KMT5A: variants seen among roughly 807,000 people sequenced by gnomAD.
KMT5A encodes N-lysine methyltransferase KMT5A.
A neutral mutation model predicts 40.6 loss-of-function variants in KMT5A; 6 were observed. The ratio of observed to expected loss-of-function variants is 0.15; its 90% CI spans 0.08 to 0.29. KMT5A has a LOEUF of 0.29. Among genes scored for constraint, KMT5A ranks in the 10% least tolerant of loss-of-function variants. KMT5A has a pLI of 1.00. For missense variants in KMT5A, 308 were observed against 459.1 expected (o/e 0.67, Z 3.01); for synonymous variants, 153 against 178.8 (o/e 0.86, Z 1.15).
At chr12:123,389,953 C>A in intron 2 of KMT5A, 1 of 422,090 alleles carries the variant, frequency 2.4e-6, no homozygotes. Context: ...GCCCCACGCC[C>A]AGAGGCGCCC....
At position 123,384,692 on chromosome 12, in the gene KMT5A, TCCTC is replaced by T. The variant is rs1876761364; in HGVS notation, c.10+491_10+494del. Among the ~76,000 whole-genome samples the T allele has an allele frequency of 6.6e-6, 1 of 152,206 alleles. No individual in the cohort carries two copies. ...GGGTGGACACCGCAGCAGGCGCCTTTCCTCCCTCCCCACGTCCTGAGTCAGCTCT... is the reference window on the plus strand; with the variant it reads ...GGGTGGACACCGCAGCAGGCGCCTTTCCTCCCCACGTCCTGAGTCAGCTCT... On this transcript the variant is annotated intron_variant, in intron 1 of 7. Transcript: ENST00000402868. This position sits in a 1 kb window ranked among gnomAD's most constrained non-coding sequence, Gnocchi z 5.7.
chr12:123,405,486 TC>T (rs34477554), intron 7 of KMT5A, among the ~76,000 whole-genome samples: 44,309 of 147,070 alleles, frequency 0.3, 8,364 homozygotes, highest in African/African-American at 0.52. Flanking sequence ...TTGCCTTTTT[TC>T]AAAGCTGTGA....
At chr12:123,387,584 C>T (rs2139154238) in intron 1 of KMT5A, among the ~76,000 whole-genome samples, 1 of 152,344 alleles carries the variant, frequency 6.6e-6, no homozygotes, top group East Asian at 1.9e-4. Context: ...AGGGCATAGG[C>T]AGAGTACCTA....
rs751178631 is a variant in KMT5A at position 123,390,708 on chromosome 12, C to G, written c.211C>G (p.Gln71Glu). The G allele has an allele frequency of 2.5e-6, 4 of 1,613,854 alleles. No homozygotes were observed. The highest frequency in any genetic ancestry group is 3.4e-6 in the Non-Finnish European group (4 of 1,179,872). ...NKCSGMRFPLQEENSVTHHEV... is the reference protein window; with the variant it reads ...NKCSGMRFPLEEENSVTHHEV... ...ATGCTCTGGAATGCGTTTCCCCCTT[C>G]AGGAAGAGAACTCAGTTACACATCA... Residue 71 changes from glutamine (Q) to glutamate (E), a missense_variant, in exon 3 of 8, where the codon CAG becomes GAG. This residue lies in a region of KMT5A where 12 missense variants were observed against 31.1 expected (regional missense o/e 0.39). Coordinates refer to ENST00000402868, the MANE Select transcript of KMT5A (RefSeq NM_020382.7).
intron 3 of KMT5A, among the ~76,000 whole-genome samples, chr12:123,391,788 A>G (rs1447463211): frequency 2.0e-5 from 3 of 152,178 alleles, no homozygotes; most frequent in Non-Finnish European, 1.5e-5. Context: ...GCAGCTCCAT[A>G]CAAGGAAGCC....
intron 5 of KMT5A, among the ~76,000 whole-genome samples, chr12:123,398,599 C>T (rs1877919469): frequency 6.6e-6 from 1 of 152,252 alleles, no homozygotes; most frequent in African/African-American, 2.4e-5. Flanking sequence ...AAAGCTCGCC[C>T]TGTTCCTGGA....
intron 7 of KMT5A, among the ~76,000 whole-genome samples, chr12:123,406,052 C>T (rs917188718): frequency 5.9e-5 from 9 of 152,126 alleles, no homozygotes; most frequent in African/African-American, 2.2e-4. Flanking sequence ...ATCTCCTAAC[C>T]TTGTGACCTG....
Position 123,384,508 on chromosome 12 carries a change from TAAA to T in KMT5A, c.10+301_10+303del, listed in dbSNP as rs1876748236. ...CCATATGTCAGAGCTCTTTGGAAAC[TAAA>T]GCGCAGGGCACCTCCAGGGAATAGG... On this transcript the variant is annotated intron_variant, in intron 1 of 7. Coordinates refer to ENST00000402868, the MANE Select transcript of KMT5A (RefSeq NM_020382.7). This position sits in a 1 kb window ranked among gnomAD's most constrained non-coding sequence, Gnocchi z 5.7. Among the ~76,000 whole-genome samples, 1 of 152,232 alleles carries T rather than the reference TAAA, an allele frequency of 6.6e-6. No homozygotes were observed. The highest frequency in any genetic ancestry group is 6.5e-5 in the Admixed American group (1 of 15,288).
intron 3 of KMT5A, among the ~76,000 whole-genome samples, chr12:123,392,315 C>A (rs1877374261): frequency 1.3e-5 from 2 of 152,140 alleles, no homozygotes; most frequent in Non-Finnish European, 2.9e-5. Flanking sequence ...GCCTGGTATA[C>A]AAGCTAGTAT....
intron 5 of KMT5A, 38 bp downstream of exon 5, chr12:123,396,470 A>G (rs1877737746): frequency 2.5e-6 from 4 of 1,598,920 alleles, no homozygotes; most frequent in Non-Finnish European, 3.4e-6. Context: ...GTGGAGGGGC[A>G]GGGTGGCCCA....
intron 3 of KMT5A, 140 bp downstream of exon 3, chr12:123,390,926 T>A: frequency 9.7e-7 from 1 of 1,033,042 alleles, no homozygotes; most frequent in Non-Finnish European, 1.4e-6. Flanking sequence ...TCTGTCTTGC[T>A]GCTGAAAGAA....
At chr12:123,402,402 C>T (rs1566081300) in intron 5 of KMT5A, among the ~76,000 whole-genome samples, 2 of 152,198 alleles carry the variant, frequency 1.3e-5, no homozygotes, top group South Asian at 4.1e-4. Context: ...CAGACTGCAG[C>T]GCCTGGCACA....
At chr12:123,401,578 T>C (rs1308210460) in intron 5 of KMT5A, among the ~76,000 whole-genome samples, 1 of 151,732 alleles carries the variant, frequency 6.6e-6, no homozygotes, top group African/African-American at 2.4e-5. Context: ...GGAAGGTTTT[T>C]TTTTGTTTTT....
chr12:123,398,204 C>T (rs1324282581), intron 5 of KMT5A, among the ~76,000 whole-genome samples: 2 of 151,928 alleles, frequency 1.3e-5, no homozygotes, highest in African/African-American at 2.4e-5. Context: ...ATCACTTGAA[C>T]CCAGGAGACG....
At position 123,389,439 on chromosome 12, in the gene KMT5A, A is replaced by C; in HGVS notation, c.17A>C (p.Lys6Thr). 9.3e-7 allele frequency: 1 copy of C among 1,072,998 alleles called. No homozygotes were observed. Among genetic ancestry groups the C allele is most frequent in the Non-Finnish European group, 1.1e-6 (1 of 891,458 alleles). 66.5% of individuals were successfully genotyped at this position (1,072,998 alleles called of 1,614,324 possible). The change falls in exon 2 of 8, where the codon AAG becomes ACG. Residue 6 changes from lysine (K) to threonine (T), a missense_variant. Lys to Thr is a moderately conservative substitution (Grantham distance 78). This residue lies in a region of KMT5A where 92 missense variants were observed against 78.3 expected (regional missense o/e 1.18). Coordinates refer to ENST00000402868, the MANE Select transcript of KMT5A (RefSeq NM_020382.7). MARGRKMSKPRAVEAA... is the reference protein window; with the variant it reads MARGRTMSKPRAVEAA... Reference sequence around the variant, plus strand: ...CCCGGGTCCCCTTCTCCAGGCAGGAAGATGTCCAAGCCCCGCGCGGTGGAG... The same window carrying C: ...CCCGGGTCCCCTTCTCCAGGCAGGACGATGTCCAAGCCCCGCGCGGTGGAG...
intron 6 of KMT5A, 79 bp downstream of exon 6, chr12:123,403,711 C>T (rs1451781815): frequency 8.4e-6 from 13 of 1,547,334 alleles, no homozygotes; most frequent in Non-Finnish European, 1.2e-5. Context: ...CTGAGAGTGG[C>T]CACCATGTGG....
In KMT5A at chr12:123,407,819, T is replaced by C. The variant is rs1301605285; in HGVS notation, c.*116T>C. ...TAATCTTAGCGGATTACTTCAGATG[T>C]TTTTAAAAAGTATATTAAGATGCCT... On this transcript the variant is annotated 3_prime_UTR_variant, in exon 8 of 8. Transcript: ENST00000402868. 8.9e-6 allele frequency: 6 copies of C among 677,146 alleles called. No individual in the cohort carries two copies. Among genetic ancestry groups the C allele is most frequent in the Non-Finnish European group, 1.3e-5 (5 of 394,944 alleles). 41.9% of individuals were successfully genotyped at this position (677,146 alleles called of 1,614,324 possible). A position where few individuals can be genotyped will look rare whatever the true frequency, so the allele number is the denominator to read the frequency against.
chr12:123,392,593 G>A (rs1877393463), intron 3 of KMT5A, among the ~76,000 whole-genome samples: 1 of 152,174 alleles, frequency 6.6e-6, no homozygotes, highest in Admixed American at 6.6e-5. Context: ...GCACCCAGGA[G>A]TTTAAAGCTG....
chr12:123,393,002 A>T (rs1877424449), intron 3 of KMT5A, among the ~76,000 whole-genome samples: 1 of 151,950 alleles, frequency 6.6e-6, no homozygotes, highest in African/African-American at 2.4e-5. Flanking sequence ...TCAACCTCCC[A>T]AGTAGCTGAG....
Sources: allele counts gnomAD v4.1 joint callset (sites outside exome capture counted in the v4.1 genomes callset), GRCh38; gene constraint gnomAD v4.1.1; regional missense constraint gnomAD v4.1.1; non-coding constraint Gnocchi (gnomAD v3.1); transcripts MANE v1.5; gene names NCBI Gene and HGNC (gene_info 2026-07-23, HGNC 2026-07-21).